BCAR1: variants seen among roughly 807,000 people sequenced by gnomAD.
BCAR1 encodes breast cancer anti-estrogen resistance protein 1.
Under a neutral mutation model 67.6 loss-of-function variants are expected in BCAR1, and 30 were observed. The observed-to-expected ratio is 0.44, with a 90% confidence interval of 0.33 to 0.60. The LOEUF is 0.60. BCAR1 is among the 20% of genes least tolerant of loss of function. BCAR1 has a pLI of 0.02. For synonymous variants in BCAR1, 626 were observed against 556.7 expected (o/e 1.12, Z -1.75); for missense variants, 1,313 against 1,222.3 (o/e 1.07, Z -1.11).
intron 1 of BCAR1, among the ~76,000 whole-genome samples, chr16:75,245,171 G>C (rs1429004362): frequency 6.6e-6 from 1 of 152,190 alleles, no homozygotes; most frequent in Non-Finnish European, 1.5e-5. Context: ...AGCAAGACAA[G>C]CATTTCCCAA....
rs905698112 is a variant in BCAR1, at chr16:75,233,934, C to T, written c.2012G>A (p.Gly671Glu). The change falls in exon 6 of 7, where the codon GGG becomes GAG. Residue 671 changes from glycine to glutamate, a missense_variant and splice_region_variant. Around this residue, in one of 2 missense-constraint regions of BCAR1, gnomAD observed 1,272 missense variants for 1,137.5 expected, o/e 1.12. Coordinates refer to ENST00000162330, the MANE Select transcript of BCAR1 (RefSeq NM_014567.5). ...MEDYDYVHLQGKEEFEKTQKE... is the reference protein window; with the variant it reads ...MEDYDYVHLQEKEEFEKTQKE... ...CTGGGTCTTCTCAAACTCCTCCTTC[C>T]CCTGGAGGGCAGAGACAGGGGCTGC... is the stretch of plus-strand genomic sequence containing the variant. 1.9e-6 allele frequency: 3 copies of T among 1,603,686 alleles called. No individual in the cohort carries two copies. The highest frequency in any genetic ancestry group is 2.6e-6 in the Non-Finnish European group (3 of 1,174,914).
chr16:75,264,586 G>A lies in BCAR1; in HGVS notation c.66+3329C>T, dbSNP rs577363008. The A allele has an allele frequency of 4.4e-5, 57 of 1,301,188 alleles. No individual in the cohort carries two copies. In the East Asian group the frequency reaches 1.6e-3, roughly 37 times the overall value. 80.6% of individuals were successfully genotyped at this position (1,301,188 alleles called of 1,614,324 possible). The stretch of plus-strand genomic sequence containing the variant: ...GGGCTCACATCAGCACAGTCTGGAA[G>A]CCCTCATTTTTTCATCTGTAAATAC... On this transcript the variant is annotated intron_variant, in intron 1 of 6. Coordinates refer to the BCAR1 transcript ENST00000393422.
chr16:75,260,524 C>T (rs1329644732), intron 1 of BCAR1, among the ~76,000 whole-genome samples: 1 of 150,402 alleles, frequency 6.6e-6, no homozygotes, highest in Admixed American at 6.7e-5. Flanking sequence ...ATCCCAGCTA[C>T]TTGGGAGGCT....
intron 6 of BCAR1, 87 bp from the exon 7 acceptor site, chr16:75,230,110 T>G (rs1322951007): frequency 1.4e-6 from 2 of 1,472,612 alleles, no homozygotes; most frequent in African/African-American, 2.8e-5. Context: ...GGGCTGGGCT[T>G]CTCTAAAAGG....
intron 2 of BCAR1, chr16:75,239,187 C>T (rs1029451437): frequency 1.1e-6 from 1 of 888,874 alleles, no homozygotes; most frequent in Admixed American, 6.2e-5. Context: ...CTGCTAATCA[C>T]AGGCCACCCT....
chr16:75,229,576 C>A lies in BCAR1; in HGVS notation c.2548G>T (p.Val850Phe). The A allele has an allele frequency of 6.2e-7, 1 of 1,610,106 alleles. No homozygotes were observed. The highest frequency in any genetic ancestry group is 8.5e-7 in the Non-Finnish European group (1 of 1,179,096). Residue 850 changes from valine (V) to phenylalanine (F), a missense_variant, in exon 7 of 7, where the codon GTC becomes TTC. Physicochemically the swap from Val to Phe is conservative, Grantham distance 50 (BLOSUM62 -1). Coordinates refer to ENST00000162330, the MANE Select transcript of BCAR1 (RefSeq NM_014567.5). ...PSAAQDMVER[V>F]KELGHSTQQF... Reference sequence around the variant, plus strand: ...TGGGTGCTGTGGCCCAGCTCCTTGACCCTCTCCACCATGTCCTGGGCCGCG... The same window carrying A: ...TGGGTGCTGTGGCCCAGCTCCTTGAACCTCTCCACCATGTCCTGGGCCGCG...
rs150535333 is a variant in BCAR1, at chr16:75,233,890, C to A, written c.2056G>T (p.Gly686Cys). The A allele has an allele frequency of 6.2e-7, 1 of 1,610,920 alleles. No homozygotes were observed. Among genetic ancestry groups the A allele is most frequent in the Non-Finnish European group, 8.5e-7 (1 of 1,178,744 alleles). The change falls in exon 6 of 7, where the codon GGC (glycine) becomes TGC (cysteine). Residue 686 changes from glycine (G) to cysteine (C), a missense_variant. Transcript: ENST00000162330. Reference protein sequence around the residue: ...EKTQKELLEKGSITRQGKSQL... With the variant: ...EKTQKELLEKCSITRQGKSQL... ...CTCTTGCCCTGCCGCGTGATGCTGC[C>A]CTTTTCCAGCAGCTCCTTCTGGGTC...
chr16:75,261,952 A>T (rs577763390), intron 1 of BCAR1, among the ~76,000 whole-genome samples: 1 of 152,250 alleles, frequency 6.6e-6, no homozygotes, highest in African/African-American at 2.4e-5. Context: ...TCCTTCTAAC[A>T]GCTCTGGTCA....
At chr16:75,251,130 T>G (rs1240181349) in intron 1 of BCAR1, among the ~76,000 whole-genome samples, 1 of 152,012 alleles carries the variant, frequency 6.6e-6, no homozygotes, top group Non-Finnish European at 1.5e-5. Flanking sequence ...AAACTGAGGC[T>G]CGGAGGCAGG....
rs1409845628 is a variant in BCAR1, at chr16:75,235,335, C to T, written c.1564G>A (p.Ala522Thr). The change falls in exon 5 of 7, where the codon GCC becomes ACC. Residue 522 changes from alanine to threonine, a missense_variant. Around this residue, in one of 2 missense-constraint regions of BCAR1, gnomAD observed 1,272 missense variants for 1,137.5 expected, o/e 1.12. Transcript: ENST00000162330. The part of the protein sequence containing the change: ...QSAVHELLEF[A>T]RSAVGNAAHT... ...GCAGCATTGCCCACCGCGCTGCGGGCAAACTCCAACAGCTCGTGGACGGCA... is the reference window on the plus strand; with the variant it reads ...GCAGCATTGCCCACCGCGCTGCGGGTAAACTCCAACAGCTCGTGGACGGCA... 7 of 1,601,488 alleles carry T rather than the reference C, an allele frequency of 4.4e-6. No individual in the cohort carries two copies. Among genetic ancestry groups the T allele is most frequent in the South Asian group, 3.3e-5 (3 of 90,954 alleles).
At chr16:75,252,213 G>A (rs774526323), upstream of BCAR1, 2 of 1,536,548 alleles carry the variant, frequency 1.3e-6, no homozygotes. Context: ...TCGACCCAGC[G>A]CTTTTCACGG....
chr16:75,260,633 C>CA (rs59667747), intron 1 of BCAR1, among the ~76,000 whole-genome samples: 3,073 of 118,078 alleles, frequency 0.026, 61 homozygotes, highest in Middle Eastern at 0.12. Context: ...GACTCCATCT[C>CA]AAAAAAAAAA....
At chr16:75,266,663 C>T in intron 1 of BCAR1, 1 of 1,248,268 alleles carries the variant, frequency 8.0e-7, no homozygotes, top group South Asian at 2.6e-5. Context: ...CCAGGCAGGC[C>T]TTGCTGATGC....
In BCAR1 at chr16:75,250,565, G is replaced by C. The variant is rs951845168; in HGVS notation, c.12+906C>G. The C allele has an allele frequency of 3.5e-5, 31 of 883,686 alleles. No individual in the cohort carries two copies. The African/African-American group carries it at 5.5e-4, about 16-fold the overall frequency. 54.7% of individuals were successfully genotyped at this position (883,686 alleles called of 1,614,324 possible). On this transcript the variant is annotated intron_variant, in intron 1 of 6. Transcript: ENST00000162330. Reference sequence around the variant, plus strand: ...GAACGGGAGCCTTGTGGTAGAAAAGGAGCTGCTGTCCCCGATCTGGAACTC... The same window carrying C: ...GAACGGGAGCCTTGTGGTAGAAAAGCAGCTGCTGTCCCCGATCTGGAACTC...
chr16:75,230,163 C>T (rs781587506), intron 6 of BCAR1, 140 bp from the exon 7 acceptor site: 2 of 1,072,754 alleles, frequency 1.9e-6, no homozygotes, highest in Non-Finnish European at 1.3e-6. Flanking sequence ...AACGGGCAGT[C>T]TCCTCTCCCG....
chr16:75,235,198 TC>T lies in BCAR1; in HGVS notation c.1700del (p.Gly567GlufsTer135). The T allele has an allele frequency of 6.2e-7, 1 of 1,607,884 alleles. No homozygotes were observed. On this transcript the variant is annotated frameshift_variant, in exon 5 of 7. Coordinates refer to ENST00000162330, the MANE Select transcript of BCAR1 (RefSeq NM_014567.5). LOFTEE classifies it high-confidence loss of function. ...AHGQALDAGRGGSGATLEDLD... is the reference protein window; with the variant it reads ...AHGQALDAGRXGSGATLEDLD... ...GGTCCTCAAGGGTGGCTCCAGAGCC[TC>T]CCCGGCCAGCGTCGAGGGCCTGACC...
rs557021508 is a variant in BCAR1 at position 75,267,831 on chromosome 16, C to T, written c.66+84G>A. 103 of 1,436,180 alleles carry T rather than the reference C, an allele frequency of 7.2e-5. No homozygotes were observed. The African/African-American group carries it at 9.0e-4, about 13-fold the overall frequency. The allele number at this position is 1,436,180 out of a possible 1,614,324, so 89.0% of individuals were successfully genotyped here. On this transcript the variant is annotated intron_variant, in intron 1 of 6. Coordinates refer to the BCAR1 transcript ENST00000393422. ...CAATCCATCTCATCCTGCCTCTTAC[C>T]GCCCCAGGGGCTGCTTATTTAGGGC...
intron 1 of BCAR1, chr16:75,264,274 G>C: frequency 1.5e-6 from 2 of 1,372,634 alleles, no homozygotes; most frequent in Non-Finnish European, 1.9e-6. Context: ...AATCAAACGG[G>C]GACCTCCCCA....
intron 1 of BCAR1, chr16:75,263,938 G>GGA (rs911331555): frequency 2.7e-6 from 3 of 1,106,078 alleles, no homozygotes; most frequent in Non-Finnish European, 2.2e-6. Context: ...CAAGGTCCCA[G>GGA]GAGAGAGAGC....
Sources: allele counts gnomAD v4.1 joint callset (sites outside exome capture counted in the v4.1 genomes callset), GRCh38; gene constraint gnomAD v4.1.1; regional missense constraint gnomAD v4.1.1; transcripts MANE v1.5; gene names NCBI Gene and HGNC (gene_info 2026-07-23, HGNC 2026-07-21).